The following CKMT2 variants were observed in gnomAD, a reference collection of about 807,000 sequenced individuals.
CKMT2 encodes the protein creatine kinase, mitochondrial 2, also known as creatine kinase S-type, mitochondrial.
CKMT2 carries 43 observed loss-of-function variants against 48.9 expected under a neutral mutation model. The ratio of observed to expected loss-of-function variants is 0.88; its 90% CI spans 0.69 to 1.13. CKMT2 has a LOEUF of 1.13. Among genes scored for constraint, CKMT2 ranks in the 50% most tolerant of loss-of-function variants. The pLI is 0.00. For synonymous variants in CKMT2, 206 were observed against 213.0 expected (o/e 0.97, Z 0.29); for missense variants, 472 against 555.4 (o/e 0.85, Z 1.51).
At chr5:81,259,967 T>C (rs10078279) in intron 8 of CKMT2, among the ~76,000 whole-genome samples, 28,553 of 152,032 alleles carry the variant, frequency 0.19, 2,891 homozygotes, top group Admixed American at 0.28. Flanking sequence ...GACCCCACAA[T>C]TGGAAGTAAA....
At chr5:81,243,440 T>C (rs1756502775) in intron 1 of CKMT2, among the ~76,000 whole-genome samples, 1 of 152,134 alleles carries the variant, frequency 6.6e-6, no homozygotes, top group South Asian at 2.1e-4. Flanking sequence ...CTAAAACAAA[T>C]TAGATTTGTT....
At chr5:81,247,648 C>T (rs1305843619) in intron 1 of CKMT2, among the ~76,000 whole-genome samples, 1 of 152,230 alleles carries the variant, frequency 6.6e-6, no homozygotes, top group Non-Finnish European at 1.5e-5. Flanking sequence ...ATGGAACAGC[C>T]ATTGCCAGAG....
At chr5:81,244,067 C>T in intron 1 of CKMT2, 1 of 985,378 alleles carries the variant, frequency 1.0e-6, no homozygotes, top group African/African-American at 1.7e-5. Flanking sequence ...TCCCTTTGTC[C>T]CGTTTCACAC....
At chr5:81,238,576 C>G (rs181451642) in intron 1 of CKMT2, 42 of 152,366 alleles carry the variant, frequency 2.8e-4, no homozygotes, top group African/African-American at 1.0e-3. Context: ...CTTTTCACCA[C>G]CTCCAAATTC....
chr5:81,258,643 G>A (rs992848164), intron 7 of CKMT2, among the ~76,000 whole-genome samples: 1 of 152,118 alleles, frequency 6.6e-6, no homozygotes, highest in Non-Finnish European at 1.5e-5. Context: ...GTGAGTGGTG[G>A]GTAAGCCAGC....
intron 1 of CKMT2, chr5:81,244,262 C>A: frequency 1.2e-6 from 1 of 866,484 alleles, no homozygotes; most frequent in Non-Finnish European, 1.4e-6. Context: ...ATATAATTGC[C>A]TGCCTCATCA....
At chr5:81,259,524 T>C (rs1757135645) in intron 8 of CKMT2, 1 of 283,116 alleles carries the variant, frequency 3.5e-6, no homozygotes, top group Non-Finnish European at 6.5e-6. Flanking sequence ...GGCTCTGCTC[T>C]CTCTGGTTCT....
chr5:81,242,467 C>G lies in CKMT2; in HGVS notation c.-20-8646C>G, dbSNP rs181237658. On this transcript the variant is annotated intron_variant, in intron 1 of 9. Coordinates refer to ENST00000254035, the MANE Select transcript of CKMT2 (RefSeq NM_001099735.2). ...CTGTCAATTTTACAGAGGTCGCCTA[C>G]TCATTCCCCTAGTTTCTTGTCATCA... 63 of 505,660 alleles carry G rather than the reference C, an allele frequency of 1.2e-4. No homozygotes were observed. In the East Asian group the frequency reaches 3.1e-3, roughly 25 times the overall value. 31.3% of individuals were successfully genotyped at this position (505,660 alleles called of 1,614,324 possible).
chr5:81,253,248 G>A (rs1756884265), intron 3 of CKMT2, among the ~76,000 whole-genome samples: 1 of 152,198 alleles, frequency 6.6e-6, no homozygotes. Context: ...TGTGTTTGTG[G>A]CTGAGCTTTA....
intron 1 of CKMT2, among the ~76,000 whole-genome samples, chr5:81,240,973 T>C (rs988570516): frequency 6.6e-6 from 1 of 152,190 alleles, no homozygotes; most frequent in Non-Finnish European, 1.5e-5. Context: ...AAATGACCTC[T>C]AAAGCCTCTC....
At position 81,263,535 on chromosome 5, in the gene CKMT2, G is replaced by C. The variant is rs1344868486; in HGVS notation, c.1059G>C (p.Lys353Asn). The change falls in exon 9 of 10, where the codon AAG (lysine) becomes AAC (asparagine). Residue 353 changes from lysine (K) to asparagine (N), a missense_variant. Physicochemically the swap from Lys to Asn is moderately conservative, Grantham distance 94 (BLOSUM62 0). Coordinates refer to ENST00000254035, the MANE Select transcript of CKMT2 (RefSeq NM_001099735.2). ...SKILENLRLQ[K>N]RGTGGVDTAA... is the part of the protein sequence containing the mutation. ...TCCTGGAAAACCTAAGACTCCAGAA[G>C]CGTGGCACAGGTGGTGTGGACACTG... 5 of 1,613,250 alleles carry C rather than the reference G, an allele frequency of 3.1e-6. No individual in the cohort carries two copies. In the East Asian group the frequency reaches 8.9e-5, roughly 29 times the overall value.
Position 81,266,394 on chromosome 5 carries a change from A to G in CKMT2, c.*136A>G, listed in dbSNP as rs1757386778. 1 of 761,226 alleles carries G rather than the reference A, an allele frequency of 1.3e-6. No individual in the cohort carries two copies. Among genetic ancestry groups the G allele is most frequent in the Non-Finnish European group, 2.0e-6 (1 of 493,696 alleles). The allele number at this position is 761,226 out of a possible 1,614,324, so 47.2% of individuals were successfully genotyped here. On this transcript the variant is annotated 3_prime_UTR_variant, in exon 10 of 10. Transcript: ENST00000254035. ...TATCTTTACAATAAAACTCTCCTTA[A>G]TATATCTTTGCTTTGTTTCTCTGAT...
chr5:81,233,323 C>T lies in CKMT2; in HGVS notation c.-75C>T. On this transcript the variant is annotated 5_prime_UTR_variant, in exon 1 of 10. Transcript: ENST00000254035. ...AGGCCGGCCCGACCAGCTCGCCCTG[C>T]ATACACTTCTTGGCTGTGTGCGCTC... The T allele has an allele frequency of 2.0e-6, 2 of 985,860 alleles. No homozygotes were observed. The highest frequency in any genetic ancestry group is 5.2e-4 in the Middle Eastern group (1 of 1,916). 61.1% of individuals were successfully genotyped at this position (985,860 alleles called of 1,614,324 possible). A position where few individuals can be genotyped will look rare whatever the true frequency, so the allele number is the denominator to read the frequency against.
intron 8 of CKMT2, among the ~76,000 whole-genome samples, chr5:81,261,466 G>C (rs1032562115): frequency 4.6e-5 from 7 of 152,174 alleles, no homozygotes; most frequent in Non-Finnish European, 1.0e-4. Flanking sequence ...CATCATCTCA[G>C]CCCAAAATCT....
At position 81,251,269 on chromosome 5, in the gene CKMT2, G is replaced by C. The variant is rs1352849628; in HGVS notation, c.137G>C (p.Arg46Thr). ...TGTGCCGAGGTCCGGGAGCAGCCTA[G>C]GCTATTTCCTCCAAGGTAAGGGCTC... ...KVCAEVREQP[R>T]LFPPSADYPD... Residue 46 changes from arginine (R) to threonine (T), a missense_variant, in exon 2 of 10, where the codon AGG (arginine) becomes ACG (threonine). Transcript: ENST00000254035. 6.2e-7 allele frequency: 1 copy of C among 1,613,992 alleles called. No individual in the cohort carries two copies. The highest frequency in any genetic ancestry group is 1.1e-5 in the South Asian group (1 of 91,076).
intron 8 of CKMT2, among the ~76,000 whole-genome samples, chr5:81,260,914 AAAG>A (rs1757200504): frequency 6.6e-6 from 1 of 152,250 alleles, no homozygotes; most frequent in Non-Finnish European, 1.5e-5. Context: ...CACAATAAAA[AAAG>A]AAAAATTTCA....
At chr5:81,241,089 T>A (rs993503253) in intron 1 of CKMT2, among the ~76,000 whole-genome samples, 2 of 152,206 alleles carry the variant, frequency 1.3e-5, no homozygotes, top group African/African-American at 4.8e-5. Flanking sequence ...CAGTTCTACA[T>A]TCATTGGGTC....
At chr5:81,264,745 A>C (rs1757335056) in intron 9 of CKMT2, among the ~76,000 whole-genome samples, 1 of 152,222 alleles carries the variant, frequency 6.6e-6, no homozygotes, top group Non-Finnish European at 1.5e-5. Flanking sequence ...AGTCACTATA[A>C]AAGTGAGGAA....
At chr5:81,252,330 C>T (rs376614596) in intron 2 of CKMT2, 4 of 249,376 alleles carry the variant, frequency 1.6e-5, no homozygotes, top group African/African-American at 9.0e-5. Context: ...CTTGGGAATT[C>T]CTGAGGTGAC....
Sources: gnomAD v4.1 joint callset for allele counts (sites outside exome capture counted in the v4.1 genomes callset) on GRCh38, gnomAD v4.1.1 for gene constraint, MANE v1.5 for transcripts, NCBI Gene and HGNC (gene_info 2026-07-23, HGNC 2026-07-21) for gene names.